The following CHRNB3 variants were observed in gnomAD, a reference collection of about 807,000 sequenced individuals.
The protein encoded by CHRNB3 is neuronal acetylcholine receptor subunit beta-3.
A neutral mutation model predicts 40.6 loss-of-function variants in CHRNB3; 37 were observed. That is an observed-to-expected ratio of 0.91 (90% CI 0.70 to 1.20). CHRNB3 has a LOEUF of 1.20. Among genes scored for constraint, CHRNB3 ranks in the 50% most tolerant of loss-of-function variants. The pLI, the probability that CHRNB3 is intolerant of heterozygous loss-of-function variation, is 0.00. For synonymous variants in CHRNB3, 207 were observed against 207.1 expected (o/e 1.00, Z 0.00); for missense variants, 505 against 551.2 (o/e 0.92, Z 0.84).
At chr8:42,711,176 A>G (rs934846673) in intron 3 of CHRNB3, among the ~76,000 whole-genome samples, 1 of 152,002 alleles carries the variant, frequency 6.6e-6, no homozygotes, top group Non-Finnish European at 1.5e-5. Flanking sequence ...GATAGCAGGT[A>G]AGAAGTTTGG....
intron 1 of CHRNB3, among the ~76,000 whole-genome samples, chr8:42,706,885 C>A (rs1815930938): frequency 6.6e-6 from 1 of 152,106 alleles, no homozygotes; most frequent in South Asian, 2.1e-4. Context: ...CCCAGCCTCC[C>A]AAGTAGCTGG....
intron 3 of CHRNB3, among the ~76,000 whole-genome samples, chr8:42,730,273 T>G (rs1004519836): frequency 2.6e-5 from 4 of 152,208 alleles, no homozygotes. Flanking sequence ...TTTCTTTTGT[T>G]TGTTTGTTAA....
intron 1 of CHRNB3, among the ~76,000 whole-genome samples, chr8:42,701,630 C>T (rs1330879395): frequency 6.6e-6 from 1 of 152,132 alleles, no homozygotes; most frequent in African/African-American, 2.4e-5. Flanking sequence ...TTACTAGGGA[C>T]CTTATCAATA....
intron 5 of CHRNB3, 143 bp from the exon 6 acceptor site, chr8:42,736,341 T>G: frequency 1.0e-6 from 1 of 957,248 alleles, no homozygotes; most frequent in Non-Finnish European, 1.6e-6. Flanking sequence ...CCTGAGCCTG[T>G]AGTGTGGTTG....
In CHRNB3 at chr8:42,731,679, C is replaced by T. The variant is rs1816420890; in HGVS notation, c.372C>T (p.Arg124=). 6.2e-7 allele frequency: 1 copy of T among 1,607,704 alleles called. No individual in the cohort carries two copies. The highest frequency in any genetic ancestry group is 1.3e-5 in the African/African-American group (1 of 74,764). ...GCTTTGATTGCAGTGCTGACGGCCG[C>T]TTCGAAGGCTCCCTGATGACCAAGG... ...DIVLFENADG[R]FEGSLMTKVI... Residue 124 remains arginine, a synonymous_variant, in exon 5 of 6, where the codon CGC becomes CGT. Coordinates refer to ENST00000289957, the MANE Select transcript of CHRNB3 (RefSeq NM_000749.5).
intron 1 of CHRNB3, among the ~76,000 whole-genome samples, chr8:42,701,032 A>T (rs1465763684): frequency 6.6e-6 from 1 of 151,856 alleles, no homozygotes; most frequent in Non-Finnish European, 1.5e-5. Context: ...GGTGGAGACC[A>T]TCCTGGCCAA....
Position 42,708,638 on chromosome 8 carries a change from G to A in CHRNB3, c.53-79G>A, listed in dbSNP as rs895046274. 22 of 1,505,254 alleles carry A rather than the reference G, an allele frequency of 1.5e-5. No individual in the cohort carries two copies. The African/African-American group carries it at 2.5e-4, about 17-fold the overall frequency. 93.2% of individuals were successfully genotyped at this position (1,505,254 alleles called of 1,614,324 possible). ...CACAGCCTATGGTGCAGGAGGCCAA[G>A]GCCACAGGAGCCATGGGACACTCAT... On this transcript the variant is annotated intron_variant, in intron 1 of 5. Transcript: ENST00000289957.
At chr8:42,728,499 A>C (rs1816346810) in intron 3 of CHRNB3, among the ~76,000 whole-genome samples, 1 of 152,154 alleles carries the variant, frequency 6.6e-6, no homozygotes, top group African/African-American at 2.4e-5. Flanking sequence ...ATAGCACTCC[A>C]GCCTGGGAAA....
chr8:42,700,550 C>G (rs1356751982), intron 1 of CHRNB3, among the ~76,000 whole-genome samples: 1 of 151,042 alleles, frequency 6.6e-6, no homozygotes, highest in Admixed American at 6.6e-5. Context: ...AAACTCCTGA[C>G]CTTAGGAGAT....
intron 4 of CHRNB3, 54 bp from the exon 5 acceptor site, chr8:42,731,613 C>G: frequency 1.3e-6 from 2 of 1,515,110 alleles, no homozygotes; most frequent in Non-Finnish European, 1.8e-6. Flanking sequence ...GGAAAAAGAA[C>G]AAAAACTAGC....
rs567650103 is a variant in CHRNB3, at chr8:42,712,859, C to CTTT, written c.249+2443_249+2445dup. ...GCACACCTCCTTCCCCCACTGCTCT[C>CTTT]TTTTTTTTTTTTTTTTTTTTGAGTC... On this transcript the variant is annotated intron_variant, in intron 3 of 5. Transcript: ENST00000289957. 4.3e-3 allele frequency among the ~76,000 whole-genome samples: 497 copies of CTTT among 114,614 alleles called. 6 individuals are homozygous for CTTT. Among genetic ancestry groups the CTTT allele is most frequent in the Non-Finnish European group, 6.5e-3 (374 of 57,648 alleles). 75.2% of individuals were successfully genotyped at this position (114,614 alleles called of 152,430 possible).
intron 5 of CHRNB3, 43 bp downstream of exon 5, chr8:42,732,592 G>A (rs1192935282): frequency 6.7e-7 from 1 of 1,500,972 alleles, no homozygotes; most frequent in Non-Finnish European, 8.9e-7. Flanking sequence ...GTAAAGGTAG[G>A]CCAAAGACAA....
intron 1 of CHRNB3, among the ~76,000 whole-genome samples, chr8:42,702,130 G>A (rs1013411468): frequency 1.3e-5 from 2 of 152,134 alleles, no homozygotes; most frequent in African/African-American, 4.8e-5. Context: ...GTCCCAGCCT[G>A]AGCTCAGTGC....
At position 42,703,440 on chromosome 8, in the gene CHRNB3, T is replaced by TTA. The variant is rs56211568; in HGVS notation, c.53-5257_53-5256dup. Among the ~76,000 whole-genome samples, 89 of 80,702 alleles carry TTA rather than the reference T, an allele frequency of 1.1e-3. 14 individuals are homozygous for TTA. The highest frequency in any genetic ancestry group is 4.4e-3 in the South Asian group (8 of 1,804). The allele number at this position is 80,702 out of a possible 152,430, so 52.9% of individuals were successfully genotyped here. A position where few individuals can be genotyped will look rare whatever the true frequency, so the allele number is the denominator to read the frequency against. Reference sequence around the variant, plus strand: ...CTTCGTCTAAAAAAAAAAAAAATATTTATATATATATATATATATATGTAT... The same window carrying TTA: ...CTTCGTCTAAAAAAAAAAAAAATATTTATATATATATATATATATATATGTAT... On this transcript the variant is annotated intron_variant, in intron 1 of 5. Coordinates refer to ENST00000289957, the MANE Select transcript of CHRNB3 (RefSeq NM_000749.5).
chr8:42,715,468 A>G (rs1391305289), intron 3 of CHRNB3, among the ~76,000 whole-genome samples: 1 of 152,138 alleles, frequency 6.6e-6, no homozygotes, highest in African/African-American at 2.4e-5. Flanking sequence ...AAAATGCCCA[A>G]TTCCCCCTCT....
At chr8:42,704,807 C>G (rs988927362) in intron 1 of CHRNB3, among the ~76,000 whole-genome samples, 4 of 152,120 alleles carry the variant, frequency 2.6e-5, no homozygotes, top group Admixed American at 6.6e-5. Context: ...TTTGGCTGAC[C>G]TGGGACTCAG....
intron 3 of CHRNB3, among the ~76,000 whole-genome samples, chr8:42,722,893 A>ACTGTT (rs1490148172): frequency 1.3e-5 from 2 of 152,070 alleles, no homozygotes; most frequent in East Asian, 3.9e-4. Context: ...GGATGGCTTT[A>ACTGTT]ACAGATATTT....
intron 3 of CHRNB3, among the ~76,000 whole-genome samples, chr8:42,716,588 G>A (rs2128906575): frequency 6.6e-6 from 1 of 152,204 alleles, no homozygotes; most frequent in Middle Eastern, 3.4e-3. Flanking sequence ...TGCAAATTAA[G>A]AGGCAGTTTA....
At chr8:42,733,214 C>T (rs1310966789) in intron 5 of CHRNB3, among the ~76,000 whole-genome samples, 1 of 151,774 alleles carries the variant, frequency 6.6e-6, no homozygotes, top group Non-Finnish European at 1.5e-5. Flanking sequence ...CTTGTCCTAG[C>T]ACTTTGGGAG....
Sources: allele counts gnomAD v4.1 joint callset (sites outside exome capture counted in the v4.1 genomes callset), GRCh38; gene constraint gnomAD v4.1.1; transcripts MANE v1.5; gene names NCBI Gene and HGNC (gene_info 2026-07-23, HGNC 2026-07-21).